PTPRN2: variants seen among roughly 807,000 people sequenced by gnomAD.
PTPRN2 encodes the protein receptor-type tyrosine-protein phosphatase N2.
In PTPRN2, 74 loss-of-function variants were observed where a neutral mutation model predicts 118.8. That is an observed-to-expected ratio of 0.62 (90% CI 0.52 to 0.76). PTPRN2 has a LOEUF of 0.76. Among genes scored for constraint, PTPRN2 ranks in the 30% least tolerant of loss-of-function variants. PTPRN2 has a pLI of 0.00. For synonymous variants in PTPRN2, 641 were observed against 608.0 expected, an observed-to-expected ratio of 1.05 and a Z score of -0.80; for missense variants, 1,481 against 1,394.4, an observed-to-expected ratio of 1.06 and a Z score of -0.99.
rs1159058696 is a variant in PTPRN2, at chr7:157,893,666, T to C, written c.1788+5007A>G. 6.6e-6 allele frequency among the ~76,000 whole-genome samples: 1 copy of C among 152,068 alleles called. No homozygotes were observed. Among genetic ancestry groups the C allele is most frequent in the African/African-American group, 2.4e-5 (1 of 41,398 alleles). On this transcript the variant is annotated intron_variant, in intron 12 of 22. Coordinates refer to ENST00000389418, the MANE Select transcript of PTPRN2 (RefSeq NM_002847.5). This position sits in a 1 kb window ranked among gnomAD's most constrained non-coding sequence, Gnocchi z 4.0. ...TAAGTGTGAGGCTCCTCTACAGATC[T>C]CCCAGGAGAGAAAAGGAGGACACCT...
intron 4 of PTPRN2, among the ~76,000 whole-genome samples, chr7:158,199,952 C>T (rs970444263): frequency 2.6e-5 from 4 of 152,060 alleles, no homozygotes; most frequent in Middle Eastern, 3.2e-3. Context: ...ACTATAAAAT[C>T]GCTTGAAAAT....
chr7:158,355,903 C>A (rs143961659), intron 2 of PTPRN2, among the ~76,000 whole-genome samples: 40 of 152,298 alleles, frequency 2.6e-4, no homozygotes, highest in Middle Eastern at 3.4e-3. Flanking sequence ...CTGATGATGA[C>A]CCTGCTGCCT....
intron 12 of PTPRN2, among the ~76,000 whole-genome samples, chr7:157,880,615 C>T (rs55682249): frequency 0.035 from 5,347 of 152,240 alleles, 252 homozygotes; most frequent in East Asian, 0.15. Context: ...GCCATCTCCA[C>T]GCTGAGCATC....
At position 157,953,584 on chromosome 7, in the gene PTPRN2, T is replaced by C. The variant is rs1800972252; in HGVS notation, c.1724-54847A>G. ...CACATGGCTGGAGGTCCGGTGTCCC[T>C]AAAGACTTCTATGACATCCTGACAC... is the stretch of plus-strand genomic sequence containing the variant. On this transcript the variant is annotated intron_variant, in intron 11 of 22. Transcript: ENST00000389418. This position sits in a 1 kb window ranked among gnomAD's most constrained non-coding sequence, Gnocchi z 4.6. Among the ~76,000 whole-genome samples, 2 of 152,132 alleles carry C rather than the reference T, an allele frequency of 1.3e-5. No homozygotes were observed.
chr7:157,762,755 AAAG>A lies in PTPRN2; in HGVS notation c.1789-79821_1789-79819del, dbSNP rs367916832. On this transcript the variant is annotated intron_variant, in intron 12 of 22. Coordinates refer to ENST00000389418, the MANE Select transcript of PTPRN2 (RefSeq NM_002847.5). ...AACTTAAAGTATAATAATAAAAAAAAAAGAGAAAAAAGAAAAAACTTTTCAGAG... is the reference window on the plus strand; with the variant it reads ...AACTTAAAGTATAATAATAAAAAAAAAGAAAAAAGAAAAAACTTTTCAGAG... Among the ~76,000 whole-genome samples the A allele has an allele frequency of 6.4e-3, 979 of 152,216 alleles. 22 individuals carry two copies. The highest frequency in any genetic ancestry group is 0.06 in the South Asian group (288 of 4,824).
intron 3 of PTPRN2, among the ~76,000 whole-genome samples, chr7:158,230,345 A>G (rs969891580): frequency 1.3e-5 from 2 of 152,234 alleles, no homozygotes; most frequent in African/African-American, 4.8e-5. Flanking sequence ...TAAGCACTCA[A>G]ACTAACCCAG....
chr7:158,232,304 C>T (rs1034799908), intron 3 of PTPRN2, among the ~76,000 whole-genome samples: 2 of 151,978 alleles, frequency 1.3e-5, no homozygotes, highest in Non-Finnish European at 2.9e-5. Flanking sequence ...TAAAAAGGAT[C>T]ATTAGAGACA....
chr7:157,803,185 G>A (rs1001904068), intron 12 of PTPRN2, among the ~76,000 whole-genome samples: 8 of 152,080 alleles, frequency 5.3e-5, no homozygotes, highest in Non-Finnish European at 1.0e-4. Context: ...GGCTGGTCTC[G>A]AACTCCTGAC....
chr7:158,517,187 G>A lies in PTPRN2; in HGVS notation c.113-27402C>T, dbSNP rs1001122549. 3.3e-5 allele frequency among the ~76,000 whole-genome samples: 5 copies of A among 152,214 alleles called. No homozygotes were observed. The highest frequency in any genetic ancestry group is 1.5e-5 in the Non-Finnish European group (1 of 68,036). On this transcript the variant is annotated intron_variant, in intron 1 of 22. Transcript: ENST00000389418. The surrounding 1 kb of genome is among the most constrained non-coding windows in gnomAD (Gnocchi z 5.3). The stretch of plus-strand genomic sequence containing the variant: ...GGTCCTCACTGAAGACAGGGCGGGT[G>A]GCATTGACCCCCATTCCTGTCCCAC...
At chr7:158,521,539 C>T (rs10259445) in intron 1 of PTPRN2, among the ~76,000 whole-genome samples, 10,944 of 56,754 alleles carry the variant, frequency 0.19, 2,121 homozygotes, top group East Asian at 0.4. Context: ...GAGGAAGGTC[C>T]GCATCGGAAT....
chr7:158,238,059 T>A (rs1053131798), intron 3 of PTPRN2, among the ~76,000 whole-genome samples: 1 of 151,950 alleles, frequency 6.6e-6, no homozygotes, highest in African/African-American at 2.4e-5. Context: ...ACACACACAA[T>A]CTCCACAGTG....
chr7:158,558,382 T>C (rs1827182393), intron 1 of PTPRN2, among the ~76,000 whole-genome samples: 1 of 152,214 alleles, frequency 6.6e-6, no homozygotes. Context: ...CTCTAGCCTA[T>C]GGCCATGTTC....
intron 2 of PTPRN2, among the ~76,000 whole-genome samples, chr7:158,396,748 G>T (rs1054856059): frequency 1.3e-5 from 2 of 152,182 alleles, no homozygotes; most frequent in Non-Finnish European, 2.9e-5. Context: ...TCCCCAAGCC[G>T]CCTCCACCTG....
chr7:157,633,148 T>TC (rs1804068641), intron 14 of PTPRN2, among the ~76,000 whole-genome samples: 1 of 151,414 alleles, frequency 6.6e-6, no homozygotes, highest in African/African-American at 2.4e-5. Context: ...TCTTTTCTTT[T>TC]TTTTTTTTTT....
intron 12 of PTPRN2, among the ~76,000 whole-genome samples, chr7:157,750,379 G>A (rs1638759): frequency 0.066 from 10,022 of 152,156 alleles, 689 homozygotes; most frequent in Admixed American, 0.17. Flanking sequence ...GGAGTGAGGC[G>A]TAGAGGATGA....
chr7:158,527,507 G>A (rs1426812500), intron 1 of PTPRN2, among the ~76,000 whole-genome samples: 1 of 152,212 alleles, frequency 6.6e-6, no homozygotes, highest in African/African-American at 2.4e-5. Context: ...CCATGGGCTG[G>A]CCTCTCCATT....
Position 157,903,659 on chromosome 7 carries a change from T to A in PTPRN2, c.1724-4922A>T, listed in dbSNP as rs73165894. 0.024 allele frequency among the ~76,000 whole-genome samples: 3,682 copies of A among 151,578 alleles called. 53 individuals are homozygous for A. Among genetic ancestry groups the A allele is most frequent in the Non-Finnish European group, 0.038 (2,575 of 67,852 alleles). On this transcript the variant is annotated intron_variant, in intron 11 of 22. Coordinates refer to ENST00000389418, the MANE Select transcript of PTPRN2 (RefSeq NM_002847.5). This position sits in a 1 kb window ranked among gnomAD's most constrained non-coding sequence, Gnocchi z 4.2. ...TTTTTTCTTTTTCCTTTTTTTTTTT[T>A]ATACTAAAAGGTTTTAAGAGAGTAC...
intron 12 of PTPRN2, among the ~76,000 whole-genome samples, chr7:157,725,798 A>T (rs1799551966): frequency 1.6e-5 from 2 of 126,198 alleles, no homozygotes; most frequent in African/African-American, 3.5e-5. Flanking sequence ...ACCTCCCAGG[A>T]GAACTGGATA....
intron 14 of PTPRN2, among the ~76,000 whole-genome samples, chr7:157,641,716 A>G (rs1804676627): frequency 6.6e-6 from 1 of 152,196 alleles, no homozygotes; most frequent in Admixed American, 6.5e-5. Context: ...GTGACAAGTC[A>G]GGACCCACTC....
Sources: gnomAD v4.1 joint callset for allele counts (sites outside exome capture counted in the v4.1 genomes callset) on GRCh38, gnomAD v4.1.1 for gene constraint, Gnocchi (gnomAD v3.1) non-coding constraint, MANE v1.5 for transcripts, NCBI Gene and HGNC (gene_info 2026-07-23, HGNC 2026-07-21) for gene names.